The following MIPOL1 variants were observed in gnomAD, a reference collection of about 807,000 sequenced individuals.
MIPOL1 encodes the protein mirror-image polydactyly 1, also known as mirror-image polydactyly gene 1 protein.
MIPOL1 carries 57 observed loss-of-function variants against 60.9 expected under a neutral mutation model. The observed-to-expected ratio is 0.94, with a 90% CI of 0.76 to 1.17. The LOEUF (loss-of-function observed/expected upper bound fraction) is 1.17, where lower values mean the gene tolerates loss of function less well. MIPOL1 is among the 50% of genes most tolerant of loss of function. MIPOL1 has a pLI of 0.00. For synonymous variants in MIPOL1, 179 were observed against 168.8 expected, an observed-to-expected ratio of 1.06 and a Z score of -0.47; for missense variants, 551 against 511.6, an observed-to-expected ratio of 1.08 and a Z score of -0.74.
chr14:37,323,831 T>G (rs1342654615), intron 9 of MIPOL1, among the ~76,000 whole-genome samples: 2 of 152,042 alleles, frequency 1.3e-5, no homozygotes, highest in African/African-American at 2.4e-5. Flanking sequence ...GTTTTGCTTC[T>G]TCTAGAATTT....
intron 12 of MIPOL1, chr14:37,506,866 T>G (rs1045417096): frequency 6.6e-6 from 1 of 151,916 alleles, no homozygotes; most frequent in African/African-American, 2.4e-5. Flanking sequence ...TGGGCTAATA[T>G]CCAGAATGTA....
At chr14:37,437,038 T>C (rs2094173397) in intron 11 of MIPOL1, among the ~76,000 whole-genome samples, 1 of 152,202 alleles carries the variant, frequency 6.6e-6, no homozygotes, top group African/African-American at 2.4e-5. Flanking sequence ...CTAAGATGTT[T>C]ATGAAATGTA....
chr14:37,230,641 T>C (rs1165468781), intron 1 of MIPOL1, among the ~76,000 whole-genome samples: 1 of 152,194 alleles, frequency 6.6e-6, no homozygotes, highest in Non-Finnish European at 1.5e-5. Flanking sequence ...TTGGTCAGAA[T>C]CTTGGTTAGG....
chr14:37,356,261 A>G (rs545305863), intron 9 of MIPOL1, among the ~76,000 whole-genome samples: 5 of 151,664 alleles, frequency 3.3e-5, no homozygotes, highest in East Asian at 3.9e-4. Flanking sequence ...TCAGTCTGCC[A>G]GTTCTCAGAT....
intron 12 of MIPOL1, among the ~76,000 whole-genome samples, chr14:37,538,427 T>G (rs2095515821): frequency 6.6e-6 from 1 of 152,030 alleles, no homozygotes; most frequent in African/African-American, 2.4e-5. Flanking sequence ...AGACCTAAGT[T>G]AAAAACATAA....
At chr14:37,396,680 T>G (rs1340056399) in intron 10 of MIPOL1, among the ~76,000 whole-genome samples, 2 of 152,086 alleles carry the variant, frequency 1.3e-5, no homozygotes, top group Non-Finnish European at 2.9e-5. Context: ...TTCTTATTCT[T>G]TTTTCTTAGT....
At chr14:37,278,809 A>G (rs1265545739) in intron 6 of MIPOL1, 4 of 151,858 alleles carry the variant, frequency 2.6e-5, no homozygotes, top group East Asian at 1.9e-4. Context: ...GGATTTGCCA[A>G]TAGACTTGGG....
intron 1 of MIPOL1, among the ~76,000 whole-genome samples, chr14:37,215,892 AC>A (rs1031522720): frequency 1.9e-4 from 29 of 152,126 alleles, no homozygotes; most frequent in African/African-American, 6.3e-4. Context: ...ATGTGGTGAA[AC>A]CCTGTCTCTA....
chr14:37,307,854 G>A (rs1213482918), intron 7 of MIPOL1, among the ~76,000 whole-genome samples: 1 of 152,024 alleles, frequency 6.6e-6, no homozygotes, highest in East Asian at 1.9e-4. Flanking sequence ...TAACTTAACA[G>A]TCTGAAGTCA....
At chr14:37,370,021 A>G (rs577363646) in intron 10 of MIPOL1, 4 of 152,646 alleles carry the variant, frequency 2.6e-5, no homozygotes, top group East Asian at 1.9e-4. Context: ...CACAGAACTG[A>G]CAGTCCTTGA....
At chr14:37,471,576 A>G (rs1478741056) in intron 11 of MIPOL1, among the ~76,000 whole-genome samples, 1 of 152,176 alleles carries the variant, frequency 6.6e-6, no homozygotes, top group Non-Finnish European at 1.5e-5. Context: ...AAATATTCTT[A>G]TGCTTTCTTT....
intron 9 of MIPOL1, among the ~76,000 whole-genome samples, chr14:37,338,113 T>TG (rs2090315477): frequency 6.8e-6 from 1 of 148,064 alleles, no homozygotes; most frequent in Admixed American, 6.7e-5. Flanking sequence ...ATTTAATTTT[T>TG]TTTTTTTTTT....
intron 10 of MIPOL1, among the ~76,000 whole-genome samples, chr14:37,390,569 G>T (rs1343091761): frequency 1.3e-5 from 2 of 151,850 alleles, no homozygotes; most frequent in African/African-American, 4.8e-5. Flanking sequence ...GAAAATAAAT[G>T]AAAATATTAA....
chr14:37,368,964 A>C (rs922439544), intron 9 of MIPOL1, among the ~76,000 whole-genome samples: 2 of 152,034 alleles, frequency 1.3e-5, no homozygotes, highest in Non-Finnish European at 2.9e-5. Flanking sequence ...AAAATGGGAG[A>C]AATTAAAAAC....
At chr14:37,327,120 C>G (rs1186719117) in intron 9 of MIPOL1, among the ~76,000 whole-genome samples, 1 of 151,924 alleles carries the variant, frequency 6.6e-6, no homozygotes, top group Admixed American at 6.6e-5. Context: ...TATGCTTAAT[C>G]CCTTATTTCT....
At chr14:37,237,049 C>T (rs188758889) in intron 1 of MIPOL1, among the ~76,000 whole-genome samples, 126 of 152,062 alleles carry the variant, frequency 8.3e-4, no homozygotes, top group African/African-American at 3.0e-3. Flanking sequence ...TGTTAATTTC[C>T]CAGAAAGTCT....
At chr14:37,250,678 C>G (rs1168226399) in intron 3 of MIPOL1, among the ~76,000 whole-genome samples, 3 of 152,140 alleles carry the variant, frequency 2.0e-5, no homozygotes, top group Non-Finnish European at 4.4e-5. Context: ...TGGGATTTAT[C>G]TTAAATCACA....
At chr14:37,397,846 GT>G (rs1188026480) in intron 10 of MIPOL1, among the ~76,000 whole-genome samples, 2 of 152,100 alleles carry the variant, frequency 1.3e-5, no homozygotes, top group African/African-American at 4.8e-5. Flanking sequence ...CCCCAAGTCT[GT>G]TTCCAGGCAG....
chr14:37,323,240 C>T (rs1357838833), intron 9 of MIPOL1, among the ~76,000 whole-genome samples: 1 of 152,040 alleles, frequency 6.6e-6, no homozygotes, highest in South Asian at 2.1e-4. Flanking sequence ...GGAATCCTTT[C>T]CCCCTTGCTT....
Sources: gnomAD v4.1 joint callset for allele counts (sites outside exome capture counted in the v4.1 genomes callset) on GRCh38, gnomAD v4.1.1 for gene constraint, MANE v1.5 for transcripts, NCBI Gene and HGNC (gene_info 2026-07-23, HGNC 2026-07-21) for gene names.